DPP6: variants seen among roughly 807,000 people sequenced by gnomAD.
DPP6 encodes the protein dipeptidyl peptidase like 6.
A neutral mutation model predicts 122.6 loss-of-function variants in DPP6; 69 were observed. That is an observed-to-expected ratio of 0.56 (90% CI 0.46 to 0.69). The LOEUF is 0.69. DPP6 is among the 30% of genes least tolerant of loss of function. The pLI is 0.00. For synonymous variants in DPP6, 418 were observed against 433.1 expected, an observed-to-expected ratio of 0.97 and a Z score of 0.43; for missense variants, 928 against 1,116.9, an observed-to-expected ratio of 0.83 and a Z score of 2.41.
chr7:154,521,501 T>TA (rs1172314687), intron 3 of DPP6, among the ~76,000 whole-genome samples: 1 of 152,018 alleles, frequency 6.6e-6, no homozygotes, highest in African/African-American at 2.4e-5. Flanking sequence ...TTAAGGCACA[T>TA]AAAAATTGAA....
In DPP6 at chr7:154,807,102, C is replaced by T. The variant is rs1357057585; in HGVS notation, c.1656C>T (p.Leu552=). ...GCCATAGCATGGACTTCTTCCTGCT[C>T]AAGTGCGAAGGTCAGCTCCTGCCAC... ...SFSHSMDFFL[L]KCEGPGVPMV... Residue 552 remains leucine (L), a synonymous_variant, in exon 16 of 26, where the codon CTC becomes CTT. Transcript: ENST00000377770. 2.5e-6 allele frequency: 4 copies of T among 1,613,030 alleles called. No homozygotes were observed. The highest frequency in any genetic ancestry group is 3.4e-6 in the Non-Finnish European group (4 of 1,179,730).
intron 1 of DPP6, among the ~76,000 whole-genome samples, chr7:154,426,497 G>A (rs1291335037): frequency 6.6e-6 from 1 of 152,174 alleles, no homozygotes; most frequent in Non-Finnish European, 1.5e-5. Context: ...ACAGACACGT[G>A]TAGAAAATCC....
chr7:154,357,565 A>G (rs1811373824), intron 1 of DPP6, among the ~76,000 whole-genome samples: 1 of 152,212 alleles, frequency 6.6e-6, no homozygotes, highest in Non-Finnish European at 1.5e-5. Flanking sequence ...CAGGTGGACT[A>G]TTCGATTTTC....
chr7:154,852,947 CA>C (rs915403195), intron 16 of DPP6, among the ~76,000 whole-genome samples: 31 of 152,298 alleles, frequency 2.0e-4, no homozygotes, highest in African/African-American at 7.0e-4. Flanking sequence ...GCAGTGAGAA[CA>C]AGCGGCTCAG....
chr7:153,950,041 AT>A (rs1428482921), intron 1 of DPP6, among the ~76,000 whole-genome samples: 3 of 152,164 alleles, frequency 2.0e-5, no homozygotes, highest in Non-Finnish European at 2.9e-5. Context: ...AAGGAAACAT[AT>A]TCCTGTGGGG....
At chr7:154,324,868 T>TTTTTA (rs1554518345) in intron 1 of DPP6, among the ~76,000 whole-genome samples, 1 of 10,410 alleles carries the variant, frequency 9.6e-5, no homozygotes, top group East Asian at 1.4e-3. Context: ...CCTTTTGTTA[T>TTTTTA]TTTTTTTTTT....
chr7:153,839,053 G>T, the DPP6 span, among the ~76,000 whole-genome samples: 4 of 152,194 alleles, frequency 2.6e-5, no homozygotes, highest in African/African-American at 9.6e-5. Flanking sequence ...CTGAGAGTTT[G>T]CACTTCTAAG....
chr7:154,632,216 C>G (rs532612344), intron 5 of DPP6, among the ~76,000 whole-genome samples: 1 of 152,186 alleles, frequency 6.6e-6, no homozygotes. Flanking sequence ...TTATAATTCA[C>G]AATGTGCAGA....
intron 1 of DPP6, among the ~76,000 whole-genome samples, chr7:153,986,727 C>A (rs768979164): frequency 3.4e-4 from 52 of 152,072 alleles, no homozygotes; most frequent in Non-Finnish European, 6.6e-4. Context: ...CAAATGTATA[C>A]TAAAAATTAC....
At chr7:153,819,948 T>C in the DPP6 span, among the ~76,000 whole-genome samples, 1 of 152,220 alleles carries the variant, frequency 6.6e-6, no homozygotes, top group Non-Finnish European at 1.5e-5. Flanking sequence ...AAAAGATAAT[T>C]CATCCAATCT....
chr7:154,234,113 A>G (rs1801063756), intron 1 of DPP6, among the ~76,000 whole-genome samples: 5 of 152,200 alleles, frequency 3.3e-5, no homozygotes. Context: ...GTGATGAAGC[A>G]GTGAATTAAG....
intron 8 of DPP6, among the ~76,000 whole-genome samples, chr7:154,729,265 G>A (rs1842220184): frequency 6.6e-6 from 1 of 152,114 alleles, no homozygotes; most frequent in Non-Finnish European, 1.5e-5. Context: ...TGCTAGGCTG[G>A]GTCAAGGGAG....
chr7:154,158,479 AT>A (rs964560010), intron 1 of DPP6, among the ~76,000 whole-genome samples: 6 of 150,736 alleles, frequency 4.0e-5, no homozygotes, highest in African/African-American at 1.2e-4. Flanking sequence ...TAAAAAAAAA[AT>A]CTCCTAAATT....
At chr7:154,444,283 C>T (rs904811036) in intron 1 of DPP6, among the ~76,000 whole-genome samples, 2 of 151,306 alleles carry the variant, frequency 1.3e-5, no homozygotes, top group African/African-American at 4.9e-5. Flanking sequence ...TGGTGAAACC[C>T]TGTCTCTACT....
chr7:154,209,348 G>C (rs1294223494), intron 1 of DPP6, among the ~76,000 whole-genome samples: 2 of 152,130 alleles, frequency 1.3e-5, no homozygotes, highest in African/African-American at 4.8e-5. Flanking sequence ...TGTTGAAGCA[G>C]GTTTTATTTG....
chr7:153,774,997 G>A, the DPP6 span, among the ~76,000 whole-genome samples: 1 of 151,090 alleles, frequency 6.6e-6, no homozygotes, highest in Non-Finnish European at 1.5e-5. Context: ...GTAATAAAAT[G>A]TTATTCAACA....
intron 1 of DPP6, chr7:154,057,619 G>A (rs1470147148): frequency 6.6e-6 from 1 of 150,842 alleles, no homozygotes; most frequent in Non-Finnish European, 1.5e-5. Context: ...AGGAGCTGTG[G>A]GGTTTTGTAG....
chr7:154,006,835 G>A (rs981035532), intron 1 of DPP6, among the ~76,000 whole-genome samples: 2 of 152,244 alleles, frequency 1.3e-5, no homozygotes, highest in African/African-American at 4.8e-5. Context: ...TATAGGTGAG[G>A]AAATCTTGAA....
chr7:154,077,384 A>G (rs548988086), intron 1 of DPP6, among the ~76,000 whole-genome samples: 20 of 152,304 alleles, frequency 1.3e-4, no homozygotes, highest in African/African-American at 4.8e-4. Flanking sequence ...TCATCCCATA[A>G]AAACTTTCAG....
Sources: gnomAD v4.1 joint callset for allele counts (sites outside exome capture counted in the v4.1 genomes callset) on GRCh38, gnomAD v4.1.1 for gene constraint, MANE v1.5 for transcripts, NCBI Gene and HGNC (gene_info 2026-07-23, HGNC 2026-07-21) for gene names.